Variants in SLIT3 observed in about 807,000 individuals in gnomAD.
The protein encoded by SLIT3 is slit homolog 3 protein.
A neutral mutation model predicts 184.0 loss-of-function variants in SLIT3; 68 were observed. The ratio of observed to expected loss-of-function variants is 0.37; its 90% CI spans 0.30 to 0.45. The LOEUF (loss-of-function observed/expected upper bound fraction) is 0.45, where lower values mean the gene tolerates loss of function less well. Among genes scored for constraint, SLIT3 ranks in the 20% least tolerant of loss-of-function variants. The pLI, the probability that SLIT3 is intolerant of heterozygous loss-of-function variation, is 1.00. For synonymous variants in SLIT3, 831 were observed against 828.6 expected, an observed-to-expected ratio of 1.00 and a Z score of -0.05; for missense variants, 1,707 against 2,026.0, an observed-to-expected ratio of 0.84 and a Z score of 3.02.
chr5:169,029,940 A>G (rs189835284), intron 4 of SLIT3, among the ~76,000 whole-genome samples: 335 of 152,280 alleles, frequency 2.2e-3, no homozygotes, highest in African/African-American at 7.6e-3. Context: ...TGTACTTGAG[A>G]TCCTTTTAAC....
intron 4 of SLIT3, among the ~76,000 whole-genome samples, chr5:169,033,478 A>G (rs377336003): frequency 6.6e-6 from 1 of 152,140 alleles, no homozygotes; most frequent in Non-Finnish European, 1.5e-5. Flanking sequence ...TTGTTAGGTC[A>G]TCTGGTAATT....
intron 4 of SLIT3, among the ~76,000 whole-genome samples, chr5:168,954,053 T>C (rs1352838034): frequency 1.3e-5 from 2 of 151,984 alleles, no homozygotes; most frequent in African/African-American, 2.4e-5. Context: ...GGGAAACAAG[T>C]GTCACTCCAG....
intron 4 of SLIT3, among the ~76,000 whole-genome samples, chr5:168,999,245 T>C (rs1292575495): frequency 6.6e-6 from 1 of 152,120 alleles, no homozygotes; most frequent in Non-Finnish European, 1.5e-5. Flanking sequence ...TGAGAGCCTC[T>C]GGTAATGGGT....
At chr5:168,931,220 G>A (rs1047447404) in intron 4 of SLIT3, among the ~76,000 whole-genome samples, 8 of 152,166 alleles carry the variant, frequency 5.3e-5, no homozygotes, top group African/African-American at 4.8e-5. Context: ...GAGAAAGAAC[G>A]CATTTAATTT....
At chr5:168,781,541 G>T (rs1755971019) in intron 12 of SLIT3, among the ~76,000 whole-genome samples, 1 of 152,130 alleles carries the variant, frequency 6.6e-6, no homozygotes, top group Non-Finnish European at 1.5e-5. Flanking sequence ...AATTCTCATT[G>T]TCCCACCTCG....
intron 4 of SLIT3, among the ~76,000 whole-genome samples, chr5:168,967,801 A>G (rs868338954): frequency 3.3e-5 from 5 of 152,092 alleles, no homozygotes; most frequent in African/African-American, 7.2e-5. Flanking sequence ...TACAATCACA[A>G]TATCTGGTGT....
intron 4 of SLIT3, among the ~76,000 whole-genome samples, chr5:169,006,427 C>T (rs1755929608): frequency 6.6e-6 from 1 of 152,204 alleles, no homozygotes; most frequent in Non-Finnish European, 1.5e-5. Flanking sequence ...GAGGAATCTA[C>T]CCCTCCCTTC....
At chr5:168,770,628 T>A (rs1489688233) in intron 14 of SLIT3, among the ~76,000 whole-genome samples, 1 of 150,836 alleles carries the variant, frequency 6.6e-6, no homozygotes, top group African/African-American at 2.5e-5. Flanking sequence ...CATCTCTACT[T>A]TTTAGGAATA....
At chr5:168,992,732 G>C (rs1028737653) in intron 4 of SLIT3, among the ~76,000 whole-genome samples, 8 of 152,216 alleles carry the variant, frequency 5.3e-5, no homozygotes, top group African/African-American at 1.9e-4. Context: ...AGGGTTCCAA[G>C]GGACAGAGTC....
intron 3 of SLIT3, among the ~76,000 whole-genome samples, chr5:169,228,671 T>C (rs1289140532): frequency 6.6e-6 from 1 of 152,200 alleles, no homozygotes; most frequent in Non-Finnish European, 1.5e-5. Flanking sequence ...GAATACAAAT[T>C]TTTTTAAAAC....
intron 6 of SLIT3, among the ~76,000 whole-genome samples, chr5:168,842,480 T>TG (rs1758300351): frequency 3.1e-5 from 3 of 96,332 alleles, no homozygotes; most frequent in African/African-American, 1.1e-4. Flanking sequence ...TTTTTTTTTT[T>TG]TTTTTTTGTA....
chr5:169,011,379 T>G (rs1310961550), intron 4 of SLIT3, among the ~76,000 whole-genome samples: 1 of 152,088 alleles, frequency 6.6e-6, no homozygotes, highest in Non-Finnish European at 1.5e-5. Flanking sequence ...CTAGGCAAAA[T>G]TGTAATAGGT....
At chr5:169,102,038 T>C (rs1760039770) in intron 4 of SLIT3, among the ~76,000 whole-genome samples, 1 of 152,212 alleles carries the variant, frequency 6.6e-6, no homozygotes, top group African/African-American at 2.4e-5. Flanking sequence ...TTGAGTGAAG[T>C]GACCCCTGTC....
intron 21 of SLIT3, 67 bp from the exon 22 acceptor site, chr5:168,723,071 G>A: frequency 9.1e-7 from 1 of 1,099,470 alleles, no homozygotes; most frequent in South Asian, 1.3e-5. Context: ...CCATTCCCAA[G>A]TATCACACAT....
intron 4 of SLIT3, among the ~76,000 whole-genome samples, chr5:168,903,442 G>A (rs945646318): frequency 3.9e-5 from 6 of 152,212 alleles, no homozygotes; most frequent in Middle Eastern, 6.8e-3. Context: ...TGTTTCATTT[G>A]AGGTGAGAGC....
Position 168,817,475 on chromosome 5 carries a change from C to T in SLIT3, c.630-12G>A, listed in dbSNP as rs758751208. The T allele has an allele frequency of 1.9e-5, 31 of 1,606,954 alleles. No homozygotes were observed. Among genetic ancestry groups the T allele is most frequent in the East Asian group, 4.5e-5 (2 of 44,504 alleles). ...TGGAGTGGAGGCGCCTGGGAGAGGGCGGGACAGAGAGAAGGCATGGTCACA... is the reference window on the plus strand; with the variant it reads ...TGGAGTGGAGGCGCCTGGGAGAGGGTGGGACAGAGAGAAGGCATGGTCACA... On this transcript the variant is annotated splice_polypyrimidine_tract_variant and intron_variant, in intron 7 of 35. Coordinates refer to ENST00000519560, the MANE Select transcript of SLIT3 (RefSeq NM_003062.4).
chr5:169,136,248 C>T (rs1370759119), intron 4 of SLIT3, among the ~76,000 whole-genome samples: 3 of 152,126 alleles, frequency 2.0e-5, no homozygotes, highest in Admixed American at 6.5e-5. Flanking sequence ...GCATGAACTA[C>T]GAGACTGAAA....
rs560972042 is a variant in SLIT3 at position 168,713,812 on chromosome 5, A to C, written c.2484-1458T>G. On this transcript the variant is annotated intron_variant, in intron 23 of 35. Transcript: ENST00000519560. ...AGATTCCTGAGCCCCACTTCCAAAGATTCTGATTCAGTGGGTCTGAGGTGA... is the reference window on the plus strand; with the variant it reads ...AGATTCCTGAGCCCCACTTCCAAAGCTTCTGATTCAGTGGGTCTGAGGTGA... 3.3e-5 allele frequency among the ~76,000 whole-genome samples: 5 copies of C among 152,310 alleles called. 1 individual carries two copies. In the South Asian group the frequency reaches 1.0e-3, roughly 32 times the overall value.
intron 5 of SLIT3, among the ~76,000 whole-genome samples, chr5:168,872,036 C>G (rs1429827222): frequency 6.6e-6 from 1 of 152,226 alleles, no homozygotes; most frequent in Non-Finnish European, 1.5e-5. Context: ...ATACGCTTCA[C>G]ACTGTGGCTG....
Sources: allele counts gnomAD v4.1 joint callset (sites outside exome capture counted in the v4.1 genomes callset), GRCh38; gene constraint gnomAD v4.1.1; transcripts MANE v1.5; gene names NCBI Gene and HGNC (gene_info 2026-07-23, HGNC 2026-07-21).